Variants in CELF2 observed in about 807,000 individuals in gnomAD.
CELF2 encodes the protein CUG triplet repeat RNA-binding protein 2.
A neutral mutation model predicts 62.6 loss-of-function variants in CELF2; 8 were observed. That is an observed-to-expected ratio of 0.13 (90% CI 0.07 to 0.23). CELF2 has a LOEUF of 0.23. CELF2 is among the 10% of genes least tolerant of loss of function. The probability of loss-of-function intolerance (pLI) is 1.00; values close to 1 mark genes in which losing one functional copy is unlikely to be tolerated. For missense variants in CELF2, 333 were observed against 671.0 expected (o/e 0.50, Z 5.56); for synonymous variants, 258 against 250.0 (o/e 1.03, Z -0.30).
intron 2 of CELF2, among the ~76,000 whole-genome samples, chr10:11,199,607 C>T (rs1169289443): frequency 6.6e-6 from 1 of 152,152 alleles, no homozygotes; most frequent in African/African-American, 2.4e-5. Flanking sequence ...CCATGAAATT[C>T]ATTTCTAGTC....
the CELF2 span, among the ~76,000 whole-genome samples, chr10:10,677,337 C>A: frequency 2.6e-5 from 4 of 152,128 alleles, no homozygotes; most frequent in East Asian, 7.7e-4. Flanking sequence ...CTGGCATAAA[C>A]CCATGAATTG....
the CELF2 span, among the ~76,000 whole-genome samples, chr10:10,756,004 G>A: frequency 6.6e-6 from 1 of 152,150 alleles, no homozygotes; most frequent in Non-Finnish European, 1.5e-5. Context: ...AATGCTGCCT[G>A]GTCAAGGAAT....
At chr10:10,680,609 A>G in the CELF2 span, among the ~76,000 whole-genome samples, 1 of 152,218 alleles carries the variant, frequency 6.6e-6, no homozygotes, top group Non-Finnish European at 1.5e-5. Flanking sequence ...GACTATATGC[A>G]AGGCCTTTGT....
chr10:11,219,348 T>A (rs896597748), intron 3 of CELF2, among the ~76,000 whole-genome samples: 2 of 152,246 alleles, frequency 1.3e-5, no homozygotes, highest in Non-Finnish European at 2.9e-5. Context: ...ATGTTTTATA[T>A]TTTTTAAATA....
chr10:10,768,766 G>T, the CELF2 span, among the ~76,000 whole-genome samples: 29 of 152,012 alleles, frequency 1.9e-4, no homozygotes, highest in East Asian at 5.2e-3. Context: ...TAGATACAGG[G>T]TTTCACCATG....
chr10:10,902,127 G>T (rs1322048083), intron 1 of CELF2, among the ~76,000 whole-genome samples: 1 of 152,186 alleles, frequency 6.6e-6, no homozygotes, highest in Non-Finnish European at 1.5e-5. Context: ...GACACTGCTG[G>T]TAGGAATGTA....
chr10:11,268,186 A>G lies in CELF2; in HGVS notation c.618+1509A>G, dbSNP rs935183202. Among the ~76,000 whole-genome samples, 5 of 152,142 alleles carry G rather than the reference A, an allele frequency of 3.3e-5. No homozygotes were observed. The highest frequency in any genetic ancestry group is 1.2e-4 in the African/African-American group (5 of 41,400). The stretch of plus-strand genomic sequence containing the variant: ...ATTTCCAGCCACATTTTAATCTTCA[A>G]TTCAGTTTGAAGATTAAAATGAAAC... On this transcript the variant is annotated intron_variant, in intron 6 of 12. Coordinates refer to ENST00000633077, the MANE Select transcript of CELF2 (RefSeq NM_001326342.2). This position sits in a 1 kb window ranked among gnomAD's most constrained non-coding sequence, Gnocchi z 4.7.
At chr10:10,689,579 C>T in the CELF2 span, among the ~76,000 whole-genome samples, 2 of 152,152 alleles carry the variant, frequency 1.3e-5, no homozygotes, top group Non-Finnish European at 2.9e-5. Flanking sequence ...TTTCAACATG[C>T]AGGCTAAAGA....
the CELF2 span, among the ~76,000 whole-genome samples, chr10:10,508,660 A>ATGTGTGTGTGTGTG: frequency 3.6e-5 from 5 of 140,718 alleles, no homozygotes; most frequent in African/African-American, 1.4e-4. Context: ...TCTTAAACAG[A>ATGTGTGTGTGTGTG]TGTGTGTGTG....
the CELF2 span, among the ~76,000 whole-genome samples, chr10:10,598,046 C>G: frequency 2.6e-5 from 4 of 152,128 alleles, no homozygotes; most frequent in Admixed American, 1.3e-4. Context: ...AAAAAGGAAC[C>G]CTTTGGTATC....
intron 1 of CELF2, among the ~76,000 whole-genome samples, chr10:10,887,777 T>TA (rs1564771985): frequency 2.0e-5 from 3 of 150,886 alleles, no homozygotes; most frequent in South Asian, 2.1e-4. Context: ...GACTTTTATT[T>TA]TTTTTTTTTT....
upstream of CELF2, among the ~76,000 whole-genome samples, chr10:10,797,425 T>C (rs1048234935): frequency 5.3e-5 from 8 of 152,154 alleles, no homozygotes; most frequent in Non-Finnish European, 1.2e-4. Flanking sequence ...TCAGAGCCTT[T>C]AGCTGGTCTC....
At chr10:10,872,754 A>T (rs950676440) in intron 1 of CELF2, among the ~76,000 whole-genome samples, 3 of 152,184 alleles carry the variant, frequency 2.0e-5, no homozygotes, top group South Asian at 2.1e-4. Context: ...CCATGGGGTG[A>T]GGAAAGAAGA....
the CELF2 span, among the ~76,000 whole-genome samples, chr10:10,469,123 G>T: frequency 4.6e-5 from 7 of 151,838 alleles, no homozygotes; most frequent in Admixed American, 3.9e-4. Flanking sequence ...TTTTCCAAGT[G>T]CTTGTGGCTA....
At chr10:11,210,214 A>T (rs1322475086) in intron 2 of CELF2, among the ~76,000 whole-genome samples, 1 of 152,182 alleles carries the variant, frequency 6.6e-6, no homozygotes, top group Non-Finnish European at 1.5e-5. Flanking sequence ...AAAAAGAAAA[A>T]ATATATAGAG....
chr10:11,209,202 G>T (rs541376726), intron 2 of CELF2, among the ~76,000 whole-genome samples: 2 of 152,172 alleles, frequency 1.3e-5, no homozygotes, highest in Admixed American at 6.5e-5. Context: ...GCAGGAATAC[G>T]TGAGAGAGCT....
At chr10:10,580,350 G>A in the CELF2 span, among the ~76,000 whole-genome samples, 1 of 152,128 alleles carries the variant, frequency 6.6e-6, no homozygotes, top group African/African-American at 2.4e-5. Context: ...TCTTAACCAT[G>A]CTGGCATCTA....
In CELF2 at chr10:10,846,554, C is replaced by T. The variant is rs889876837; in HGVS notation, c.53+47737C>T. ...CTTGTCTTCATTTTGATGCTTTTAT[C>T]ACCAGGGATAAAGATTTAGAAGGGT... On this transcript the variant is annotated intron_variant, in intron 1 of 13. Transcript: ENST00000636488. Among the ~76,000 whole-genome samples, 15 of 152,294 alleles carry T rather than the reference C, an allele frequency of 9.8e-5. No individual in the cohort carries two copies. The East Asian group carries it at 2.7e-3, about 27-fold the overall frequency.
rs1052225837 is a variant in CELF2, at chr10:11,315,592, T to A, written c.1096+1334T>A. On this transcript the variant is annotated intron_variant, in intron 10 of 12. Coordinates refer to ENST00000633077, the MANE Select transcript of CELF2 (RefSeq NM_001326342.2). The surrounding 1 kb of genome is among the most constrained non-coding windows in gnomAD (Gnocchi z 5.8). ...GGTTTTAGTACATCTTTGTATTTAG[T>A]ACATCTTTTGGGGAAAAGCGAAAAC... is the stretch of plus-strand genomic sequence containing the variant. 3.3e-5 allele frequency among the ~76,000 whole-genome samples: 5 copies of A among 152,196 alleles called. No homozygotes were observed. The highest frequency in any genetic ancestry group is 1.2e-4 in the African/African-American group (5 of 41,442).
Sources: gnomAD v4.1 joint callset for allele counts (sites outside exome capture counted in the v4.1 genomes callset) on GRCh38, gnomAD v4.1.1 for gene constraint, Gnocchi (gnomAD v3.1) non-coding constraint, MANE v1.5 for transcripts, NCBI Gene and HGNC (gene_info 2026-07-23, HGNC 2026-07-21) for gene names.